Variants in SH3RF3 observed in about 807,000 individuals in gnomAD.
SH3RF3 encodes SH3 domain containing ring finger 3.
SH3RF3 carries 29 observed loss-of-function variants against 66.3 expected under a neutral mutation model. The observed-to-expected ratio is 0.44, with a 90% confidence interval of 0.33 to 0.60. The LOEUF is 0.60. Ranked by LOEUF, SH3RF3 falls within the 20% of genes least tolerant of loss-of-function variation. The pLI is 0.04. For synonymous variants in SH3RF3, 583 were observed against 532.0 expected (o/e 1.10, Z -1.32); for missense variants, 1,194 against 1,190.9 (o/e 1.00, Z -0.04).
intron 1 of SH3RF3, among the ~76,000 whole-genome samples, chr2:109,277,350 G>A (rs1680779910): frequency 6.6e-6 from 1 of 152,156 alleles, no homozygotes; most frequent in Non-Finnish European, 1.5e-5. Context: ...TTTTCTCAGT[G>A]TCATTTCATT....
intron 1 of SH3RF3, among the ~76,000 whole-genome samples, chr2:109,167,850 C>T: frequency 6.6e-6 from 1 of 152,222 alleles, no homozygotes; most frequent in African/African-American, 2.4e-5. Context: ...GGATTACAGG[C>T]GTGAGCCACT....
At chr2:109,420,736 C>T (rs537181515) in intron 5 of SH3RF3, among the ~76,000 whole-genome samples, 11 of 152,248 alleles carry the variant, frequency 7.2e-5, no homozygotes, top group East Asian at 3.9e-4. Context: ...TGAGCCACCG[C>T]GCCCGGCCAA....
At chr2:109,209,577 T>C (rs574464897) in intron 1 of SH3RF3, among the ~76,000 whole-genome samples, 2 of 152,136 alleles carry the variant, frequency 1.3e-5, no homozygotes, top group East Asian at 3.9e-4. Context: ...GGGAAGATTT[T>C]CCTTCCTTTT....
At chr2:109,150,608 T>C (rs893191911) in intron 1 of SH3RF3, among the ~76,000 whole-genome samples, 2 of 152,112 alleles carry the variant, frequency 1.3e-5, no homozygotes, top group Non-Finnish European at 2.9e-5. Context: ...AGAAGTTGAG[T>C]AGCTTGTCAC....
intron 1 of SH3RF3, among the ~76,000 whole-genome samples, chr2:109,249,532 T>C (rs190140754): frequency 0.12 from 11,167 of 94,554 alleles, 1,142 homozygotes; most frequent in East Asian, 0.21. Context: ...TCTTTCTTTC[T>C]TTCCTTCCTT....
rs115311591 is a variant in SH3RF3 at position 109,250,384 on chromosome 2, A to G, written c.574-97290A>G. Among the ~76,000 whole-genome samples, 860 of 152,238 alleles carry G rather than the reference A, an allele frequency of 5.6e-3. 7 individuals are homozygous for G. The highest frequency in any genetic ancestry group is 0.019 in the African/African-American group (793 of 41,556). ...TCTGAATTCACTTCTGAGCTTAGCAATGTAAGCTTGTATTATATACAACTT... is the reference window on the plus strand; with the variant it reads ...TCTGAATTCACTTCTGAGCTTAGCAGTGTAAGCTTGTATTATATACAACTT... On this transcript the variant is annotated intron_variant, in intron 1 of 9. Coordinates refer to ENST00000309415, the MANE Select transcript of SH3RF3 (RefSeq NM_001099289.3).
At chr2:109,370,505 C>T (rs1002800672) in intron 2 of SH3RF3, among the ~76,000 whole-genome samples, 18 of 152,172 alleles carry the variant, frequency 1.2e-4, no homozygotes, top group African/African-American at 4.3e-4. Flanking sequence ...TCCCAAAGTG[C>T]TGTGATTACA....
At chr2:109,429,673 G>T (rs1677136740) in intron 5 of SH3RF3, among the ~76,000 whole-genome samples, 1 of 152,140 alleles carries the variant, frequency 6.6e-6, no homozygotes, top group South Asian at 2.1e-4. Context: ...GACAGCTCCA[G>T]CAGCCCAGCC....
chr2:109,176,474 C>G (rs1677917586), intron 1 of SH3RF3, among the ~76,000 whole-genome samples: 1 of 152,084 alleles, frequency 6.6e-6, no homozygotes, highest in African/African-American at 2.4e-5. Flanking sequence ...GCTCATGCCT[C>G]TAATCCTAAC....
intron 1 of SH3RF3, among the ~76,000 whole-genome samples, chr2:109,169,924 A>G (rs1193876299): frequency 6.6e-6 from 1 of 152,194 alleles, no homozygotes; most frequent in Non-Finnish European, 1.5e-5. Context: ...ATTGAAGTGC[A>G]GAAGTATATG....
At chr2:109,356,295 C>T (rs572800051) in intron 2 of SH3RF3, among the ~76,000 whole-genome samples, 1 of 152,284 alleles carries the variant, frequency 6.6e-6, no homozygotes, top group African/African-American at 2.4e-5. Context: ...CACACAGCCA[C>T]AGAAACCAGA....
chr2:109,316,427 AAC>A (rs1223453940), intron 1 of SH3RF3, among the ~76,000 whole-genome samples: 1 of 152,194 alleles, frequency 6.6e-6, no homozygotes, highest in African/African-American at 2.4e-5. Flanking sequence ...TCACAGGAGG[AAC>A]ACAGGTGTGA....
chr2:109,467,775 G>A (rs1016643797), intron 8 of SH3RF3, among the ~76,000 whole-genome samples: 1 of 152,194 alleles, frequency 6.6e-6, no homozygotes, highest in Admixed American at 6.5e-5. Flanking sequence ...CCTTTTGCCT[G>A]ATCTGACCGT....
chr2:109,172,421 TA>T (rs1399449926), intron 1 of SH3RF3, among the ~76,000 whole-genome samples: 1 of 152,242 alleles, frequency 6.6e-6, no homozygotes. Flanking sequence ...TCTGTGACTG[TA>T]ACCTAAAAAC....
intron 1 of SH3RF3, among the ~76,000 whole-genome samples, chr2:109,221,678 A>G (rs1429557692): frequency 6.6e-6 from 1 of 152,098 alleles, no homozygotes; most frequent in Non-Finnish European, 1.5e-5. Context: ...GTCTTTTGAG[A>G]AATGTCTCTT....
chr2:109,235,007 A>G lies in SH3RF3; in HGVS notation c.573+104894A>G, dbSNP rs150358459. 6.7e-3 allele frequency among the ~76,000 whole-genome samples: 1,016 copies of G among 152,258 alleles called. 7 individuals are homozygous for G. The highest frequency in any genetic ancestry group is 0.023 in the African/African-American group (976 of 41,548). On this transcript the variant is annotated intron_variant, in intron 1 of 9. Coordinates refer to ENST00000309415, the MANE Select transcript of SH3RF3 (RefSeq NM_001099289.3). ...TTTGACTATGGCATATCTTTATCTG[A>G]TATCTTTAGAAGCTGCCCTGGTCCC...
At chr2:109,215,306 C>T (rs998149437) in intron 1 of SH3RF3, among the ~76,000 whole-genome samples, 1 of 152,154 alleles carries the variant, frequency 6.6e-6, no homozygotes, top group African/African-American at 2.4e-5. Flanking sequence ...AATAAGTCTT[C>T]ATTATACAAT....
chr2:109,296,373 G>A lies in SH3RF3; in HGVS notation c.574-51301G>A, dbSNP rs1467588309. 4.0e-5 allele frequency among the ~76,000 whole-genome samples: 6 copies of A among 151,876 alleles called. No individual in the cohort carries two copies. The East Asian group carries it at 1.2e-3, about 29-fold the overall frequency. ...CTCCCGAGTAGCTGGGATTACAGGT[G>A]TGCACCACCACACCCAGTTTTTTTT... On this transcript the variant is annotated intron_variant, in intron 1 of 9. Transcript: ENST00000309415.
At chr2:109,193,632 C>T (rs1047167375) in intron 1 of SH3RF3, among the ~76,000 whole-genome samples, 1 of 152,172 alleles carries the variant, frequency 6.6e-6, no homozygotes, top group South Asian at 2.1e-4. Flanking sequence ...CACCACATTT[C>T]TTTCTCCATT....
Sources: allele counts gnomAD v4.1 joint callset (sites outside exome capture counted in the v4.1 genomes callset), GRCh38; gene constraint gnomAD v4.1.1; transcripts MANE v1.5; gene names NCBI Gene and HGNC (gene_info 2026-07-23, HGNC 2026-07-21).